Variants in HRH2 observed in about 807,000 individuals in gnomAD.
HRH2 encodes the protein histamine H2 receptor.
A neutral mutation model predicts 20.1 loss-of-function variants in HRH2; 4 were observed. That is an observed-to-expected ratio of 0.20 (90% CI 0.10 to 0.45). The LOEUF (loss-of-function observed/expected upper bound fraction) is 0.45. HRH2 is among the 20% of genes least tolerant of loss of function. The pLI is 0.99. For synonymous variants in HRH2, 197 were observed against 200.7 expected, an observed-to-expected ratio of 0.98 and a Z score of 0.16; for missense variants, 250 against 461.6, an observed-to-expected ratio of 0.54 and a Z score of 4.20.
At chr5:175,669,096 C>T (rs1209998278) in intron 1 of HRH2, among the ~76,000 whole-genome samples, 1 of 152,050 alleles carries the variant, frequency 6.6e-6, no homozygotes, top group East Asian at 1.9e-4. Flanking sequence ...CCTCCTGCCT[C>T]GGCCTTCCAA....
intron 1 of HRH2, among the ~76,000 whole-genome samples, chr5:175,673,553 G>C (rs1755640730): frequency 1.3e-5 from 2 of 152,242 alleles, no homozygotes; most frequent in South Asian, 4.1e-4. Context: ...CTGACAATGG[G>C]AACAAGGACT....
chr5:175,695,367 C>A (rs532324266), intron 2 of HRH2, among the ~76,000 whole-genome samples: 2 of 152,042 alleles, frequency 1.3e-5, no homozygotes, highest in Non-Finnish European at 2.9e-5. Flanking sequence ...ATTAAAGGAG[C>A]GAATAATATA....
intron 2 of HRH2, among the ~76,000 whole-genome samples, chr5:175,695,212 C>A (rs1230353993): frequency 6.6e-6 from 1 of 152,060 alleles, no homozygotes; most frequent in African/African-American, 2.4e-5. Flanking sequence ...TGACCATCGC[C>A]GCCCTGGTAA....
intron 1 of HRH2, among the ~76,000 whole-genome samples, chr5:175,662,559 G>A (rs2113468644): frequency 1.3e-5 from 2 of 152,308 alleles, no homozygotes; most frequent in East Asian, 3.9e-4. Context: ...CTGGTCCTTT[G>A]AGCCTGAGGT....
chr5:175,672,854 C>T (rs1422591386), intron 1 of HRH2, among the ~76,000 whole-genome samples: 1 of 152,142 alleles, frequency 6.6e-6, no homozygotes, highest in Non-Finnish European at 1.5e-5. Context: ...GGAGGCCCCT[C>T]GGCAGAGCTG....
intron 2 of HRH2, chr5:175,685,940 C>T (rs936615424): frequency 1.3e-5 from 2 of 158,330 alleles, no homozygotes; most frequent in African/African-American, 4.8e-5. Flanking sequence ...CAGCTGCCAC[C>T]CCCATTCCCA....
Position 175,695,418 on chromosome 5 carries a change from G to A in HRH2, c.1076+11109G>A, listed in dbSNP as rs140063039. ...TGTCCGGCACCCAGTGAGCCCCAGA[G>A]GTCACCAGCTCGCGCAGGAGTAGGT... On this transcript the variant is annotated intron_variant, in intron 2 of 2. Coordinates refer to ENST00000636584, the MANE Select transcript of HRH2 (RefSeq NM_001367711.1). Among the ~76,000 whole-genome samples the A allele has an allele frequency of 2.3e-3, 348 of 152,328 alleles. 2 individuals are homozygous for A. The highest frequency in any genetic ancestry group is 7.9e-3 in the African/African-American group (328 of 41,570).
In HRH2 at chr5:175,677,938, A is replaced by G. The variant is rs1458435535; in HGVS notation, c.-525-4771A>G. 1.3e-5 allele frequency among the ~76,000 whole-genome samples: 2 copies of G among 152,136 alleles called. No individual in the cohort carries two copies. The highest frequency in any genetic ancestry group is 3.9e-4 in the East Asian group (2 of 5,186). On this transcript the variant is annotated intron_variant, in intron 1 of 2. Transcript: ENST00000636584. The surrounding 1 kb of genome is among the most constrained non-coding windows in gnomAD (Gnocchi z 4.2). ...CAGGGTTCTTGGGCTACAACCCACC[A>G]TCTTTCTCCTCCAAACGTTCACCGT...
chr5:175,661,784 G>A (rs147801605), intron 1 of HRH2, among the ~76,000 whole-genome samples: 151 of 152,316 alleles, frequency 9.9e-4, no homozygotes, highest in African/African-American at 3.6e-3. Context: ...CACTTTAGGA[G>A]GCCGAGGCGG....
intron 1 of HRH2, among the ~76,000 whole-genome samples, chr5:175,672,243 G>A (rs1409641674): frequency 6.6e-6 from 1 of 152,128 alleles, no homozygotes; most frequent in South Asian, 2.1e-4. Flanking sequence ...TCCCACCCCA[G>A]CTCCTGCCCC....
chr5:175,701,645 A>ATCCCT (rs1289422596), intron 2 of HRH2, among the ~76,000 whole-genome samples: 3 of 152,152 alleles, frequency 2.0e-5, no homozygotes, highest in Non-Finnish European at 4.4e-5. Context: ...TCATGTGTCT[A>ATCCCT]TCCCTCAACC....
intron 2 of HRH2, among the ~76,000 whole-genome samples, chr5:175,700,272 G>T (rs1421160355): frequency 6.6e-6 from 1 of 152,206 alleles, no homozygotes; most frequent in Non-Finnish European, 1.5e-5. Flanking sequence ...CAGAAAGTGG[G>T]TACCGGCTAC....
At chr5:175,674,140 G>C (rs1218280714) in intron 1 of HRH2, among the ~76,000 whole-genome samples, 1 of 152,218 alleles carries the variant, frequency 6.6e-6, no homozygotes, top group East Asian at 1.9e-4. Context: ...AATGGTGTGA[G>C]TCTCTCACTG....
chr5:175,659,872 G>A (rs1762683406), intron 1 of HRH2, among the ~76,000 whole-genome samples: 1 of 152,152 alleles, frequency 6.6e-6, no homozygotes, highest in Non-Finnish European at 1.5e-5. Context: ...ATTTCTCTAA[G>A]GGTCTGGAAG....
intron 2 of HRH2, among the ~76,000 whole-genome samples, chr5:175,688,553 GGCGTGGCCCCCGCCA>G (rs1189535028): frequency 6.6e-6 from 1 of 152,240 alleles, no homozygotes; most frequent in Non-Finnish European, 1.5e-5. Context: ...GCGTTGTCAC[GGCGTGGCCCCCGCCA>G]GCAGGGGACT....
intron 1 of HRH2, among the ~76,000 whole-genome samples, chr5:175,682,132 C>T (rs564824033): frequency 1.3e-5 from 2 of 152,340 alleles, no homozygotes; most frequent in East Asian, 1.9e-4. Context: ...TAGCTGCATT[C>T]GCACTGCAAA....
At position 175,681,166 on chromosome 5, in the gene HRH2, G is replaced by A. The variant is rs897892850; in HGVS notation, c.-525-1543G>A. ...CCCTCCAAAGTTAATTAAGTGTGGC[G>A]GTGAGACCCATGCTGTTTGGGCTAT... On this transcript the variant is annotated intron_variant, in intron 1 of 2. Transcript: ENST00000636584. This position sits in a 1 kb window ranked among gnomAD's most constrained non-coding sequence, Gnocchi z 4.3. Among the ~76,000 whole-genome samples the A allele has an allele frequency of 5.3e-5, 8 of 152,124 alleles. No individual in the cohort carries two copies. Among genetic ancestry groups the A allele is most frequent in the African/African-American group, 9.7e-5 (4 of 41,422 alleles).
rs6866676 is a variant in HRH2 at position 175,687,735 on chromosome 5, G to A, written c.1076+3426G>A. On this transcript the variant is annotated intron_variant, in intron 2 of 2. Transcript: ENST00000636584. The surrounding 1 kb of genome is among the most constrained non-coding windows in gnomAD (Gnocchi z 5.2). ...CTCTCAGATACCCCTGCTCCCAGCCGCTCCCTGTCTGCTCCATCACTCACA... is the reference window on the plus strand; with the variant it reads ...CTCTCAGATACCCCTGCTCCCAGCCACTCCCTGTCTGCTCCATCACTCACA... Among the ~76,000 whole-genome samples, 180 of 151,840 alleles carry A rather than the reference G, an allele frequency of 1.2e-3. No individual in the cohort carries two copies. The highest frequency in any genetic ancestry group is 4.2e-3 in the African/African-American group (173 of 41,384).
chr5:175,694,815 G>A (rs918803292), intron 2 of HRH2, among the ~76,000 whole-genome samples: 1 of 152,198 alleles, frequency 6.6e-6, no homozygotes, highest in African/African-American at 2.4e-5. Context: ...TGCAATCTGG[G>A]TTTTCACCCA....
Sources: gnomAD v4.1 joint callset for allele counts (sites outside exome capture counted in the v4.1 genomes callset) on GRCh38, gnomAD v4.1.1 for gene constraint, Gnocchi (gnomAD v3.1) non-coding constraint, MANE v1.5 for transcripts, NCBI Gene and HGNC (gene_info 2026-07-23, HGNC 2026-07-21) for gene names.